Variants in REPS1 observed in about 807,000 individuals in gnomAD.
The protein encoded by REPS1 is RALBP1 associated Eps domain containing 1, also known as ralBP1-associated Eps domain-containing protein 1.
In REPS1, 39 loss-of-function variants were observed where a neutral mutation model predicts 100.9. The ratio of observed to expected loss-of-function variants is 0.39; its 90% CI spans 0.30 to 0.50. The LOEUF is 0.50. Among genes scored for constraint, REPS1 ranks in the 20% least tolerant of loss-of-function variants. The pLI is 0.86. For missense variants in REPS1, 821 were observed against 968.5 expected (o/e 0.85, Z 2.02); for synonymous variants, 324 against 340.3 (o/e 0.95, Z 0.53).
At chr6:138,906,669 T>C (rs17068040) in intron 19 of REPS1, among the ~76,000 whole-genome samples, 3,854 of 152,350 alleles carry the variant, frequency 0.025, 160 homozygotes, top group Admixed American at 0.12. Flanking sequence ...ATTTTTCATT[T>C]CCATGGACTC....
intron 8 of REPS1, among the ~76,000 whole-genome samples, chr6:138,933,148 T>TG (rs1781587739): frequency 6.6e-6 from 1 of 152,238 alleles, no homozygotes; most frequent in Non-Finnish European, 1.5e-5. Context: ...AAATACCATT[T>TG]GTGCTTTGAT....
In REPS1 at chr6:138,911,295, G is replaced by A. The variant is rs776535721; in HGVS notation, c.2048C>T (p.Ala683Val). The A allele has an allele frequency of 1.9e-6, 3 of 1,610,372 alleles. No individual in the cohort carries two copies. The highest frequency in any genetic ancestry group is 2.7e-5 in the African/African-American group (2 of 74,846). The change falls in exon 17 of 20, where the codon GCT becomes GTT. Residue 683 changes from alanine (A) to valine (V), a missense_variant. By Grantham distance (64) the Ala-to-Val change is moderately conservative. This residue lies in a region of REPS1 where 757 missense variants were observed against 866.4 expected (regional missense o/e 0.87). Coordinates refer to ENST00000450536, the MANE Select transcript of REPS1 (RefSeq NM_001286611.2). The part of the protein sequence containing the change: ...TDSKTEEKTA[A>V]SAPANVSKGT... ...GCATACCACATTGGCAGGAGCACTA[G>A]CAGCTGTCTTTTCTTCAGTTTTACT...
intron 1 of REPS1, among the ~76,000 whole-genome samples, chr6:138,978,145 T>C (rs1484434902): frequency 6.6e-6 from 1 of 152,110 alleles, no homozygotes; most frequent in Non-Finnish European, 1.5e-5. Flanking sequence ...AAATATATTC[T>C]AGATTAAAGA....
chr6:138,979,516 C>T (rs1323233223), intron 1 of REPS1, among the ~76,000 whole-genome samples: 1 of 152,160 alleles, frequency 6.6e-6, no homozygotes, highest in South Asian at 2.1e-4. Flanking sequence ...TGGCATCCAT[C>T]TACACTAGTC....
rs1582881740 is a variant in REPS1, at chr6:138,987,689, C to T, written c.-7G>A. On this transcript the variant is annotated 5_prime_UTR_variant, in exon 1 of 20. Coordinates refer to ENST00000450536, the MANE Select transcript of REPS1 (RefSeq NM_001286611.2). ...TCAGCGTTAAGCCTTCCATCTTCGC[C>T]TCCGGCTCACGGCCGCCCCGCCCCG... 2 of 1,538,210 alleles carry T rather than the reference C, an allele frequency of 1.3e-6. No homozygotes were observed. The highest frequency in any genetic ancestry group is 1.8e-6 in the Non-Finnish European group (2 of 1,141,304).
Position 138,907,611 on chromosome 6 carries a change from A to G in REPS1, c.2217-11T>C. 6.5e-7 allele frequency: 1 copy of G among 1,545,012 alleles called. No homozygotes were observed. Among genetic ancestry groups the G allele is most frequent in the South Asian group, 1.1e-5 (1 of 89,188 alleles). ...TCTTTCCCAACAGATCTGAGAAGAT[A>G]AAGAAGGCAAAAAAACCCATAACCT... On this transcript the variant is annotated splice_polypyrimidine_tract_variant and intron_variant, in intron 18 of 19. Coordinates refer to ENST00000450536, the MANE Select transcript of REPS1 (RefSeq NM_001286611.2).
At chr6:138,906,939 A>G (rs1339073988) in intron 19 of REPS1, among the ~76,000 whole-genome samples, 1 of 152,124 alleles carries the variant, frequency 6.6e-6, no homozygotes, top group Non-Finnish European at 1.5e-5. Flanking sequence ...CTCAATAAAG[A>G]AGGAGTAAGT....
intron 1 of REPS1, among the ~76,000 whole-genome samples, chr6:138,980,153 A>G (rs1251011322): frequency 6.6e-6 from 1 of 151,916 alleles, no homozygotes; most frequent in Non-Finnish European, 1.5e-5. Flanking sequence ...ATGCCTTCGT[A>G]TTTCTACCAC....
intron 9 of REPS1, chr6:138,928,515 C>G (rs1178032132): frequency 6.6e-6 from 1 of 152,058 alleles, no homozygotes; most frequent in Non-Finnish European, 1.5e-5. Context: ...TTATGACATT[C>G]ATGACCTCAT....
chr6:138,983,549 G>C (rs1315649686), intron 1 of REPS1, among the ~76,000 whole-genome samples: 1 of 152,144 alleles, frequency 6.6e-6, no homozygotes, highest in African/African-American at 2.4e-5. Flanking sequence ...AAAATGATTT[G>C]CCTGGTTAAA....
At chr6:138,905,824 C>A (rs1427854998) in intron 19 of REPS1, among the ~76,000 whole-genome samples, 2 of 152,162 alleles carry the variant, frequency 1.3e-5, no homozygotes, top group South Asian at 4.1e-4. Flanking sequence ...TCCTAGATCT[C>A]ATTTTGAGCT....
chr6:138,907,459 A>T, intron 19 of REPS1, 36 bp downstream of exon 19: 1 of 1,441,930 alleles, frequency 6.9e-7, no homozygotes, highest in Non-Finnish European at 9.8e-7. Context: ...CTTTACTAAG[A>T]TAAGGAACAT....
chr6:138,987,589 T>A lies in REPS1; in HGVS notation c.94A>T (p.Asn32Tyr). Residue 32 changes from asparagine to tyrosine, a missense_variant, in exon 1 of 20, where the codon AAC (asparagine) becomes TAC (tyrosine). Transcript: ENST00000450536. Reference sequence around the variant, plus strand: ...CGGAACAGCTCCAGCACCCGCCCGTTGACCACCACCTTCTTGGTGCTCTCA... The same window carrying A: ...CGGAACAGCTCCAGCACCCGCCCGTAGACCACCACCTTCTTGGTGCTCTCA... ...DIESTKKVVV[N>Y]GRVLELFRAA... The A allele has an allele frequency of 1.3e-6, 2 of 1,551,054 alleles. No individual in the cohort carries two copies. The highest frequency in any genetic ancestry group is 1.7e-6 in the Non-Finnish European group (2 of 1,146,696).
rs1582683018 is a variant in REPS1 at position 138,903,798 on chromosome 6, T to C, written c.*1266A>G. 6.6e-6 allele frequency: 1 copy of C among 152,318 alleles called. No homozygotes were observed. Among genetic ancestry groups the C allele is most frequent in the Middle Eastern group, 3.4e-3 (1 of 294 alleles). 9.4% of individuals were successfully genotyped at this position (152,318 alleles called of 1,614,324 possible). On this transcript the variant is annotated 3_prime_UTR_variant, in exon 20 of 20. Coordinates refer to ENST00000450536, the MANE Select transcript of REPS1 (RefSeq NM_001286611.2). ...TGGAAACTTCAGCTGATGTATATTT[T>C]TACCTAGATATTGTCAGGTAAAAAT...
rs1459744456 is a variant in REPS1 at position 138,944,541 on chromosome 6, G to A, written c.710C>T (p.Pro237Leu). ...CATGGTTAAAAGAGTACTGGTTGGTGGAGTATCTGCAAAACTGACCCAGTT... is the reference window on the plus strand; with the variant it reads ...CATGGTTAAAAGAGTACTGGTTGGTAGAGTATCTGCAAAACTGACCCAGTT... Reference protein sequence around the residue: ...QENWVSFADTPPTSTLLTMHP... With the variant: ...QENWVSFADTLPTSTLLTMHP... The change falls in exon 5 of 20, where the codon CCA (proline) becomes CTA (leucine). Residue 237 changes from proline (P) to leucine (L), a missense_variant. Physicochemically the swap from Pro to Leu is moderately conservative, Grantham distance 98. This residue lies in a region of REPS1 where 757 missense variants were observed against 866.4 expected (regional missense o/e 0.87). Transcript: ENST00000450536. The A allele has an allele frequency of 8.1e-6, 13 of 1,614,044 alleles. No homozygotes were observed. Among genetic ancestry groups the A allele is most frequent in the African/African-American group, 1.3e-5 (1 of 75,052 alleles).
At chr6:138,965,445 C>T (rs898133474) in intron 1 of REPS1, among the ~76,000 whole-genome samples, 1 of 151,522 alleles carries the variant, frequency 6.6e-6, no homozygotes, top group African/African-American at 2.4e-5. Flanking sequence ...AAAAATACTA[C>T]AACCACCTAA....
chr6:138,922,377 T>C (rs1780832962), intron 10 of REPS1, among the ~76,000 whole-genome samples: 1 of 152,202 alleles, frequency 6.6e-6, no homozygotes, highest in Non-Finnish European at 1.5e-5. Flanking sequence ...AAGAAGCTAA[T>C]ACTTTTCTTA....
chr6:138,962,268 T>C (rs770020293), intron 1 of REPS1, among the ~76,000 whole-genome samples: 4 of 152,146 alleles, frequency 2.6e-5, no homozygotes, highest in Non-Finnish European at 5.9e-5. Flanking sequence ...TCATGAAAGA[T>C]AATCTTACAT....
intron 19 of REPS1, 48 bp from the exon 20 acceptor site, chr6:138,905,180 G>C (rs1426496885): frequency 8.3e-7 from 1 of 1,207,690 alleles, no homozygotes; most frequent in East Asian, 2.4e-5. Context: ...ATATAAAAAT[G>C]AAGAAATATC....
Sources: allele counts gnomAD v4.1 joint callset (sites outside exome capture counted in the v4.1 genomes callset), GRCh38; gene constraint gnomAD v4.1.1; regional missense constraint gnomAD v4.1.1; transcripts MANE v1.5; gene names NCBI Gene and HGNC (gene_info 2026-07-23, HGNC 2026-07-21).